The following PRKG1 variants were observed in gnomAD, a reference collection of about 807,000 sequenced individuals.
PRKG1 encodes the protein cGMP-dependent protein kinase 1.
Under a neutral mutation model 88.1 loss-of-function variants are expected in PRKG1, and 35 were observed. That is an observed-to-expected ratio of 0.40 (90% CI 0.30 to 0.53). The LOEUF (loss-of-function observed/expected upper bound fraction) is 0.53, where lower values mean the gene tolerates loss of function less well. Ranked by LOEUF, PRKG1 falls within the 20% of genes least tolerant of loss-of-function variation. PRKG1 has a pLI of 0.59. For missense variants in PRKG1, 540 were observed against 839.8 expected, an observed-to-expected ratio of 0.64 and a Z score of 4.41; for synonymous variants, 303 against 292.5, an observed-to-expected ratio of 1.04 and a Z score of -0.37.
chr10:51,791,805 C>A (rs938109182), intron 3 of PRKG1, among the ~76,000 whole-genome samples: 3 of 151,874 alleles, frequency 2.0e-5, no homozygotes, highest in African/African-American at 7.2e-5. Flanking sequence ...TTGAACTGAG[C>A]CTTTAGGGAC....
intron 1 of PRKG1, among the ~76,000 whole-genome samples, chr10:51,106,087 A>G (rs1844826132): frequency 6.6e-6 from 1 of 152,250 alleles, no homozygotes; most frequent in Non-Finnish European, 1.5e-5. Context: ...CTAGAATCAG[A>G]TAATGGGGTT....
At chr10:51,468,052 A>C in intron 3 of PRKG1, 1 of 462,714 alleles carries the variant, frequency 2.2e-6, no homozygotes, top group Non-Finnish European at 3.9e-6. Flanking sequence ...ACTTCTGAAA[A>C]TTATCCTTTA....
rs148685795 is a variant in PRKG1 at position 51,644,243 on chromosome 10, C to T, written c.593-160342C>T. ...CTGTAAGTCGGAAGTTGGATCTAAA[C>T]TCTGGATCAAGATTCTGTTTTGTGT... On this transcript the variant is annotated intron_variant, in intron 3 of 17. Coordinates refer to ENST00000373980, the MANE Select transcript of PRKG1 (RefSeq NM_006258.4). Among the ~76,000 whole-genome samples the T allele has an allele frequency of 4.9e-4, 74 of 152,226 alleles. 2 individuals carry two copies. In the East Asian group the frequency reaches 0.014, roughly 28 times the overall value.
intron 4 of PRKG1, among the ~76,000 whole-genome samples, chr10:51,849,559 C>G (rs150014671): frequency 6.6e-6 from 1 of 152,088 alleles, no homozygotes; most frequent in African/African-American, 2.4e-5. Flanking sequence ...ATCCAGAGAT[C>G]TCTTCTATCC....
intron 3 of PRKG1, among the ~76,000 whole-genome samples, chr10:51,492,749 T>G (rs1840738860): frequency 6.6e-6 from 1 of 152,124 alleles, no homozygotes; most frequent in Admixed American, 6.6e-5. Context: ...CTTGAGACAC[T>G]TGAACTTACA....
chr10:51,461,204 A>G (rs1564507225), intron 2 of PRKG1, among the ~76,000 whole-genome samples: 1 of 152,144 alleles, frequency 6.6e-6, no homozygotes, highest in Admixed American at 6.5e-5. Context: ...AAGGAGAAGC[A>G]AAGATCTTCA....
Position 51,161,401 on chromosome 10 carries a change from C to T in PRKG1, c.478+8071C>T, listed in dbSNP as rs79054209. Among the ~76,000 whole-genome samples, 752 of 152,192 alleles carry T rather than the reference C, an allele frequency of 4.9e-3. 9 individuals carry two copies. Among genetic ancestry groups the T allele is most frequent in the African/African-American group, 0.017 (692 of 41,526 alleles). On this transcript the variant is annotated intron_variant, in intron 2 of 17. Transcript: ENST00000373980. ...GTTCTTAATACTCATCTGGTTAATA[C>T]GTCCTTGTGAAATGTTTAAAAATAT...
chr10:50,991,084 A>G lies in PRKG1; in HGVS notation c.-295A>G. On this transcript the variant is annotated 5_prime_UTR_variant, in exon 1 of 18. Transcript: ENST00000401604. The surrounding 1 kb of genome is among the most constrained non-coding windows in gnomAD (Gnocchi z 4.5). ...GGCAGCTCTAATTGGTTTCTCAATG[A>G]AAGATAATCACCTACTCCCCAGAGA... 3.1e-6 allele frequency: 1 copy of G among 318,826 alleles called. No individual in the cohort carries two copies. Among genetic ancestry groups the G allele is most frequent in the Middle Eastern group, 8.8e-4 (1 of 1,138 alleles). The allele number at this position is 318,826 out of a possible 1,614,324, so 19.7% of individuals were successfully genotyped here.
intron 4 of PRKG1, among the ~76,000 whole-genome samples, chr10:51,846,061 C>T (rs984529093): frequency 3.9e-5 from 6 of 152,110 alleles, no homozygotes; most frequent in African/African-American, 1.4e-4. Context: ...CCAGCTCCCC[C>T]AAAATGGGCA....
At chr10:52,233,917 T>C (rs572135745) in intron 9 of PRKG1, among the ~76,000 whole-genome samples, 2 of 152,216 alleles carry the variant, frequency 1.3e-5, no homozygotes, top group Non-Finnish European at 1.5e-5. Flanking sequence ...TGTCCCTGCC[T>C]GACAGCTTTG....
At chr10:51,593,123 G>T (rs1838354215) in intron 3 of PRKG1, among the ~76,000 whole-genome samples, 1 of 152,156 alleles carries the variant, frequency 6.6e-6, no homozygotes, top group Non-Finnish European at 1.5e-5. Context: ...TTAAGTAAAA[G>T]AATGCCATAG....
Position 52,204,444 on chromosome 10 carries a change from G to T in PRKG1, c.1076+42481G>T, listed in dbSNP as rs149366437. Among the ~76,000 whole-genome samples, 801 of 152,278 alleles carry T rather than the reference G, an allele frequency of 5.3e-3. 16 individuals are homozygous for T. The East Asian group carries it at 0.057, about 11-fold the overall frequency. Reference sequence around the variant, plus strand: ...GTTGCTTTATAATGCGTTGTGGGAAGTCAGGGACCCCGAATGGAGGGACTG... The same window carrying T: ...GTTGCTTTATAATGCGTTGTGGGAATTCAGGGACCCCGAATGGAGGGACTG... On this transcript the variant is annotated intron_variant, in intron 9 of 17. Transcript: ENST00000373980.
chr10:51,040,092 G>GT (rs1238997132), intron 1 of PRKG1, among the ~76,000 whole-genome samples: 1 of 151,976 alleles, frequency 6.6e-6, no homozygotes, highest in Non-Finnish European at 1.5e-5. Flanking sequence ...GTTTAGGATT[G>GT]TTTTTTCTAT....
chr10:51,608,243 G>T (rs1174125830), intron 3 of PRKG1, among the ~76,000 whole-genome samples: 1 of 152,168 alleles, frequency 6.6e-6, no homozygotes, highest in Non-Finnish European at 1.5e-5. Flanking sequence ...CAAGACACTA[G>T]GATGAAGCTG....
intron 3 of PRKG1, among the ~76,000 whole-genome samples, chr10:51,509,548 C>A (rs1422040007): frequency 6.6e-6 from 1 of 151,904 alleles, no homozygotes; most frequent in Admixed American, 6.6e-5. Flanking sequence ...TTTATTTTTT[C>A]ATTCATGTGT....
At chr10:51,089,281 A>G (rs1844340575) in intron 1 of PRKG1, among the ~76,000 whole-genome samples, 2 of 152,232 alleles carry the variant, frequency 1.3e-5, no homozygotes, top group African/African-American at 4.8e-5. Context: ...GCTAATAAAT[A>G]CAAGCATGGG....
intron 2 of PRKG1, among the ~76,000 whole-genome samples, chr10:51,439,846 A>G (rs927085240): frequency 6.6e-6 from 1 of 152,056 alleles, no homozygotes; most frequent in Admixed American, 6.6e-5. Context: ...TCTAAGGATG[A>G]GTTAGATGCT....
intron 4 of PRKG1, among the ~76,000 whole-genome samples, chr10:51,808,404 T>G (rs1374177848): frequency 6.6e-6 from 1 of 152,098 alleles, no homozygotes; most frequent in Non-Finnish European, 1.5e-5. Flanking sequence ...TGAAACCAGC[T>G]TGGTCAACAT....
chr10:51,586,934 A>G (rs1838188913), intron 3 of PRKG1, among the ~76,000 whole-genome samples: 1 of 152,142 alleles, frequency 6.6e-6, no homozygotes, highest in Admixed American at 6.6e-5. Flanking sequence ...CTCAAGATAG[A>G]CTAAGCATTT....
Sources: gnomAD v4.1 joint callset for allele counts (sites outside exome capture counted in the v4.1 genomes callset) on GRCh38, gnomAD v4.1.1 for gene constraint, Gnocchi (gnomAD v3.1) non-coding constraint, MANE v1.5 for transcripts, NCBI Gene and HGNC (gene_info 2026-07-23, HGNC 2026-07-21) for gene names.